The following HPS3 variants were observed in gnomAD, a reference collection of about 807,000 sequenced individuals.
The protein encoded by HPS3 is HPS3 biogenesis of lysosomal organelles complex 2 subunit 1.
In HPS3, 79 loss-of-function variants were observed where a neutral mutation model predicts 110.9. That is an observed-to-expected ratio of 0.71 (90% confidence interval 0.59 to 0.86). The LOEUF is 0.86. Ranked by LOEUF, HPS3 falls within the 40% of genes least tolerant of loss-of-function variation. The pLI, the probability that HPS3 is intolerant of heterozygous loss-of-function variation, is 0.00. For missense variants in HPS3, 1,197 were observed against 1,206.2 expected, an observed-to-expected ratio of 0.99 and a Z score of 0.11; for synonymous variants, 428 against 451.0, an observed-to-expected ratio of 0.95 and a Z score of 0.65.
intron 5 of HPS3, among the ~76,000 whole-genome samples, chr3:149,150,213 A>G (rs183221768): frequency 8.5e-5 from 13 of 152,262 alleles, no homozygotes; most frequent in Non-Finnish European, 1.5e-4. Context: ...CTTGGTTTTG[A>G]TAGACACCCA....
At chr3:149,150,533 C>A (rs1481201564) in intron 5 of HPS3, 66 bp from the exon 6 acceptor site, 1 of 1,307,208 alleles carries the variant, frequency 7.6e-7, no homozygotes, top group Non-Finnish European at 1.1e-6. Flanking sequence ...CTGTGAAACC[C>A]TCCCTGCTGT....
intron 6 of HPS3, among the ~76,000 whole-genome samples, chr3:149,152,572 C>T (rs77980811): frequency 0.033 from 4,964 of 152,236 alleles, 92 homozygotes; most frequent in South Asian, 0.048. Flanking sequence ...TAAACAAGCA[C>T]ACGTTTAGCC....
intron 6 of HPS3, among the ~76,000 whole-genome samples, chr3:149,151,781 A>G (rs1331164926): frequency 6.6e-6 from 1 of 152,152 alleles, no homozygotes; most frequent in Admixed American, 6.5e-5. Flanking sequence ...TGTTAGGAAT[A>G]TACATGCTGC....
intron 5 of HPS3, among the ~76,000 whole-genome samples, chr3:149,149,154 G>A (rs915951372): frequency 8.5e-4 from 126 of 148,200 alleles, no homozygotes; most frequent in African/African-American, 2.6e-3. Flanking sequence ...TAGTAGAGAC[G>A]GGGTTTCACT....
chr3:149,172,139 A>G lies in HPS3; in HGVS notation c.2932A>G (p.Met978Val), dbSNP rs1206629874. The change falls in exon 17 of 17, where the codon ATG (methionine) becomes GTG (valine). Residue 978 changes from methionine to valine, a missense_variant. Met to Val is a conservative substitution (Grantham distance 21). Coordinates refer to ENST00000296051, the MANE Select transcript of HPS3 (RefSeq NM_032383.5). Reference sequence around the variant, plus strand: ...TGTGGAACTAGAACTGAAGGATTTCATGAATGTTCTCCCAGAAGATGGTAC... The same window carrying G: ...TGTGGAACTAGAACTGAAGGATTTCGTGAATGTTCTCCCAGAAGATGGTAC... ...VAVELELKDF[M>V]NVLPEDGTAT... 6 of 1,612,922 alleles carry G rather than the reference A, an allele frequency of 3.7e-6. No homozygotes were observed. Among genetic ancestry groups the G allele is most frequent in the Admixed American group, 1.7e-5 (1 of 60,022 alleles).
At chr3:149,171,519 C>T (rs1214555616) in intron 16 of HPS3, among the ~76,000 whole-genome samples, 1 of 151,910 alleles carries the variant, frequency 6.6e-6, no homozygotes, top group Non-Finnish European at 1.5e-5. Context: ...AAATTGATTG[C>T]AAAATAATAT....
intron 6 of HPS3, among the ~76,000 whole-genome samples, chr3:149,153,102 C>G (rs573508983): frequency 6.6e-4 from 100 of 152,310 alleles, no homozygotes; most frequent in African/African-American, 2.3e-3. Context: ...TGGGCGTACC[C>G]CCAACCATCC....
chr3:149,154,339 AT>A (rs776574598), intron 7 of HPS3, among the ~76,000 whole-genome samples: 50 of 152,306 alleles, frequency 3.3e-4, no homozygotes, highest in Admixed American at 2.3e-3. Context: ...AACATGGGTT[AT>A]TTTTAACATA....
intron 1 of HPS3, chr3:149,130,479 T>A (rs1042446177): frequency 6.4e-6 from 1 of 155,096 alleles, no homozygotes; most frequent in Non-Finnish European, 1.4e-5. Flanking sequence ...ACTGCCCCCC[T>A]CTCTTCTCTT....
Position 149,145,484 on chromosome 3 carries a change from C to G in HPS3, c.1101C>G (p.Tyr367Ter), listed in dbSNP as rs1722736328. 2 of 1,614,128 alleles carry G rather than the reference C, an allele frequency of 1.2e-6. No homozygotes were observed. The highest frequency in any genetic ancestry group is 1.7e-6 in the Non-Finnish European group (2 of 1,180,010). Residue 367 changes from tyrosine to a stop codon, truncating the protein, a stop_gained, in exon 5 of 17, where the codon TAC becomes TAG. Coordinates refer to ENST00000296051, the MANE Select transcript of HPS3 (RefSeq NM_032383.5). LOFTEE classifies it high-confidence loss of function. ...VVKSVELMSV[Y>*]QYPEKSQQAV... is the part of the protein sequence containing the mutation. Reference sequence around the variant, plus strand: ...AATCTGTTGAATTGATGTCAGTCTACCAGTATCCTGAAAAGTCTCAGCAGG... The same window carrying G: ...AATCTGTTGAATTGATGTCAGTCTAGCAGTATCCTGAAAAGTCTCAGCAGG...
chr3:149,157,497 G>A lies in HPS3; in HGVS notation c.1657G>A (p.Glu553Lys). Residue 553 changes from glutamate to lysine, a missense_variant, in exon 9 of 17, where the codon GAA becomes AAA. Coordinates refer to ENST00000296051, the MANE Select transcript of HPS3 (RefSeq NM_032383.5). ...GGCAGAGCTTTTGGAAGCATTTAAG[G>A]AAAGCTGTGGGCACCTTGGGGACTG... ...EKAELLEAFKESCGHLGDCYS... is the reference protein window; with the variant it reads ...EKAELLEAFKKSCGHLGDCYS... The A allele has an allele frequency of 6.2e-7, 1 of 1,613,864 alleles. No homozygotes were observed. The highest frequency in any genetic ancestry group is 8.5e-7 in the Non-Finnish European group (1 of 1,179,824).
chr3:149,134,642 TG>T (rs1721974181), intron 1 of HPS3, among the ~76,000 whole-genome samples: 4 of 152,272 alleles, frequency 2.6e-5, no homozygotes, highest in South Asian at 4.2e-4. Flanking sequence ...AGGACAGCAT[TG>T]GGGTGAGTCA....
At chr3:149,145,948 A>T (rs1722761772) in intron 5 of HPS3, among the ~76,000 whole-genome samples, 1 of 152,132 alleles carries the variant, frequency 6.6e-6, no homozygotes, top group South Asian at 2.1e-4. Flanking sequence ...ATAGTTTAGA[A>T]CTGTGAAGGG....
chr3:149,146,211 G>A (rs1722773441), intron 5 of HPS3, among the ~76,000 whole-genome samples: 1 of 152,130 alleles, frequency 6.6e-6, no homozygotes, highest in African/African-American at 2.4e-5. Context: ...GCACTTCCTT[G>A]TGCCCTCTGA....
chr3:149,140,102 A>G lies in HPS3; in HGVS notation c.316A>G (p.Ile106Val). ...AAGGACTGAAAACTCTCGTGTGTGT[A>G]TCCGAATGATTGGGCATAATGTGGA... ...NKRTENSRVC[I>V]RMIGHNVEGP... Residue 106 changes from isoleucine (I) to valine (V), a missense_variant, in exon 2 of 17, where the codon ATC becomes GTC. Physicochemically the swap from Ile to Val is conservative, Grantham distance 29. Transcript: ENST00000296051. The G allele has an allele frequency of 6.2e-7, 1 of 1,613,460 alleles. No homozygotes were observed. The highest frequency in any genetic ancestry group is 8.5e-7 in the Non-Finnish European group (1 of 1,179,710).
chr3:149,130,528 T>C (rs1721700360), intron 1 of HPS3: 1 of 153,740 alleles, frequency 6.5e-6, no homozygotes, highest in African/African-American at 2.4e-5. Context: ...ACGCCTGTAA[T>C]CCCAACACTT....
At chr3:149,134,333 G>T (rs1721950020) in intron 1 of HPS3, among the ~76,000 whole-genome samples, 1 of 152,154 alleles carries the variant, frequency 6.6e-6, no homozygotes, top group South Asian at 2.1e-4. Context: ...GTTCTACTGA[G>T]TAACAAACTC....
Position 149,160,188 on chromosome 3 carries a change from CATCG to C in HPS3, c.2019_2022del (p.Ile674Ter). On this transcript the variant is annotated frameshift_variant, in exon 11 of 17. Transcript: ENST00000296051. LOFTEE classifies it high-confidence loss of function. ...AGGAAGCTGGATACTTCTGGGTTTT[CATCG>C]ATCTTAGTGACATTGACCAAGGCAG... 1 of 1,613,920 alleles carries C rather than the reference CATCG, an allele frequency of 6.2e-7. No homozygotes were observed. The highest frequency in any genetic ancestry group is 8.5e-7 in the Non-Finnish European group (1 of 1,179,884).
chr3:149,168,645 T>A (rs1559928356), intron 16 of HPS3, among the ~76,000 whole-genome samples: 1 of 152,132 alleles, frequency 6.6e-6, no homozygotes, highest in Non-Finnish European at 1.5e-5. Flanking sequence ...TAAGGCCGAG[T>A]CAGTGGCCAC....
Sources: allele counts gnomAD v4.1 joint callset (sites outside exome capture counted in the v4.1 genomes callset), GRCh38; gene constraint gnomAD v4.1.1; transcripts MANE v1.5; gene names NCBI Gene and HGNC (gene_info 2026-07-23, HGNC 2026-07-21).